Variants in LRIG3 observed in about 807,000 individuals in gnomAD.
The protein encoded by LRIG3 is leucine-rich repeats and immunoglobulin-like domains protein 3.
Under a neutral mutation model 114.5 loss-of-function variants are expected in LRIG3, and 76 were observed. The ratio of observed to expected loss-of-function variants is 0.66; its 90% CI spans 0.55 to 0.80. LRIG3 has a LOEUF of 0.80. LRIG3 is among the 30% of genes least tolerant of loss of function. LRIG3 has a pLI of 0.00. For synonymous variants in LRIG3, 512 were observed against 519.8 expected (o/e 0.98, Z 0.20); for missense variants, 1,239 against 1,382.8 (o/e 0.90, Z 1.65).
rs1872633486 is a variant in LRIG3, at chr12:58,920,420, C to CAGG, written c.-188_-186dup. On this transcript the variant is annotated 5_prime_UTR_variant, in exon 1 of 19. Coordinates refer to ENST00000320743, the MANE Select transcript of LRIG3 (RefSeq NM_153377.5). ...GAAGCCCTTTCATGCCCCCAAACAG[C>CAGG]AGGAGGGAAACCGAAAAGAACTGCC... 1 of 426,822 alleles carries CAGG rather than the reference C, an allele frequency of 2.3e-6. No individual in the cohort carries two copies. The highest frequency in any genetic ancestry group is 4.5e-5 in the Admixed American group (1 of 22,288). The allele number at this position is 426,822 out of a possible 1,614,324, so 26.4% of individuals were successfully genotyped here.
rs771286510 is a variant in LRIG3 at position 58,874,394 on chromosome 12, G to A, written c.2839+36C>T. On this transcript the variant is annotated intron_variant, in intron 17 of 18. Transcript: ENST00000320743. ...TTAGCACATCTAGAAGTCTCTCTAA[G>A]AAACAGAACTGTACTCAAGCAAGAA... is the stretch of plus-strand genomic sequence containing the variant. The A allele has an allele frequency of 6.2e-6, 10 of 1,611,456 alleles. No individual in the cohort carries two copies. The African/African-American group carries it at 1.1e-4, about 17-fold the overall frequency.
chr12:58,911,550 C>T (rs895148520), intron 3 of LRIG3, among the ~76,000 whole-genome samples: 2 of 152,118 alleles, frequency 1.3e-5, no homozygotes, highest in African/African-American at 2.4e-5. Flanking sequence ...AAAACAACCA[C>T]AAAAAACTCT....
chr12:58,890,262 C>T (rs1021293997), intron 4 of LRIG3, 123 bp from the exon 5 acceptor site: 49 of 1,012,420 alleles, frequency 4.8e-5, no homozygotes, highest in Non-Finnish European at 6.1e-5. Flanking sequence ...AAAATAATTA[C>T]TTTTTAGGTC....
chr12:58,911,304 T>C (rs1166540209), intron 3 of LRIG3, among the ~76,000 whole-genome samples: 1 of 152,122 alleles, frequency 6.6e-6, no homozygotes, highest in South Asian at 2.1e-4. Flanking sequence ...CTGGCTCCTA[T>C]AGCTAAGAGA....
chr12:58,913,889 T>A, intron 3 of LRIG3, 93 bp downstream of exon 3: 1 of 1,131,626 alleles, frequency 8.8e-7, no homozygotes, highest in Admixed American at 2.4e-5. Context: ...ATATTCCATT[T>A]TTTTCTTCTA....
intron 14 of LRIG3, 111 bp from the exon 15 acceptor site, chr12:58,877,963 A>G (rs1870985990): frequency 1.9e-6 from 2 of 1,047,422 alleles, no homozygotes; most frequent in Admixed American, 5.5e-5. Flanking sequence ...ATTCTCCCAC[A>G]ACTTACTGGA....
Position 58,920,020 on chromosome 12 carries a change from G to C in LRIG3, c.216C>G (p.Leu72=). The C allele has an allele frequency of 6.4e-7, 1 of 1,552,540 alleles. No homozygotes were observed. The highest frequency in any genetic ancestry group is 8.7e-7 in the Non-Finnish European group (1 of 1,148,346). The change falls in exon 1 of 19, where the codon CTC becomes CTG. Residue 72 remains leucine (L), a synonymous_variant. Transcript: ENST00000320743. The part of the protein sequence containing the change: ...RKRLARLPEP[L]PSWVARLDLS... ...CTTACAGCCGAGCGACCCAGGACGG[G>C]AGTGGCTCGGGAAGACGCGCTAGCC...
rs776030235 is a variant in LRIG3, at chr12:58,888,864, T to G, written c.758A>C (p.Lys253Thr). Reference sequence around the variant, plus strand: ...CCCCCAAAAAGCTCCATCCATAAGTTTCGTTACTCCATTTCTTTGCATTTT... The same window carrying G: ...CCCCCAAAAAGCTCCATCCATAAGTGTCGTTACTCCATTTCTTTGCATTTT... ...SLKMQRNGVTKLMDGAFWGLS... is the reference protein window; with the variant it reads ...SLKMQRNGVTTLMDGAFWGLS... Residue 253 changes from lysine (K) to threonine (T), a missense_variant, in exon 6 of 19, where the codon AAA becomes ACA. Physicochemically the swap from Lys to Thr is moderately conservative, Grantham distance 78 (BLOSUM62 -1). Coordinates refer to ENST00000320743, the MANE Select transcript of LRIG3 (RefSeq NM_153377.5). 17 of 1,613,712 alleles carry G rather than the reference T, an allele frequency of 1.1e-5. No individual in the cohort carries two copies. In the South Asian group the frequency reaches 1.9e-4, roughly 18 times the overall value.
At chr12:58,878,760 A>G in intron 14 of LRIG3, 64 bp downstream of exon 14, 2 of 1,530,684 alleles carry the variant, frequency 1.3e-6, no homozygotes, top group Middle Eastern at 1.7e-4. Flanking sequence ...ATACTTAGGG[A>G]CCTTGGATGA....
intron 3 of LRIG3, among the ~76,000 whole-genome samples, chr12:58,901,057 A>C (rs1438099183): frequency 6.6e-6 from 1 of 152,222 alleles, no homozygotes; most frequent in South Asian, 2.1e-4. Context: ...TATTTGATGA[A>C]TCGTGATCCA....
chr12:58,906,621 T>C (rs547188912), intron 3 of LRIG3, among the ~76,000 whole-genome samples: 1 of 152,298 alleles, frequency 6.6e-6, no homozygotes, highest in Admixed American at 6.5e-5. Flanking sequence ...ATCTGATTTG[T>C]GATCACTATG....
intron 1 of LRIG3, 41 bp from the exon 2 acceptor site, chr12:58,914,377 A>T (rs748555351): frequency 1.4e-6 from 2 of 1,472,762 alleles, no homozygotes; most frequent in Admixed American, 1.7e-5. Flanking sequence ...CATTTCTAAA[A>T]ATCACTAATA....
chr12:58,876,256 A>G lies in LRIG3; in HGVS notation c.2695+189T>C, dbSNP rs1023969578. Among the ~76,000 whole-genome samples, 11 of 152,200 alleles carry G rather than the reference A, an allele frequency of 7.2e-5. No individual in the cohort carries two copies. The East Asian group carries it at 2.1e-3, about 29-fold the overall frequency. On this transcript the variant is annotated intron_variant, in intron 16 of 18. Coordinates refer to ENST00000320743, the MANE Select transcript of LRIG3 (RefSeq NM_153377.5). ...CTAGTCTTTTTTTATTGTTAGAAACAAAGATTTATTTCTTTCCTAGTATTT... is the reference window on the plus strand; with the variant it reads ...CTAGTCTTTTTTTATTGTTAGAAACGAAGATTTATTTCTTTCCTAGTATTT...
At chr12:58,883,363 G>C (rs1267555450) in intron 11 of LRIG3, among the ~76,000 whole-genome samples, 157 bp downstream of exon 11, 4 of 152,116 alleles carry the variant, frequency 2.6e-5, no homozygotes, top group African/African-American at 9.7e-5. Flanking sequence ...TCAACAAAAA[G>C]AACAAATAAA....
intron 1 of LRIG3, among the ~76,000 whole-genome samples, chr12:58,917,173 G>A (rs1016078810): frequency 1.3e-5 from 2 of 152,056 alleles, no homozygotes; most frequent in Non-Finnish European, 2.9e-5. Flanking sequence ...TTTATAACAG[G>A]TCAACACTAA....
chr12:58,874,009 G>A (rs923147535), intron 18 of LRIG3, 46 bp downstream of exon 18: 36 of 1,601,132 alleles, frequency 2.2e-5, no homozygotes, highest in Non-Finnish European at 2.9e-5. Flanking sequence ...ACACAACTTG[G>A]AGTATGGATC....
At chr12:58,918,594 G>A (rs946771694) in intron 1 of LRIG3, among the ~76,000 whole-genome samples, 1 of 152,076 alleles carries the variant, frequency 6.6e-6, no homozygotes, top group Non-Finnish European at 1.5e-5. Flanking sequence ...TTATTCCTAA[G>A]TGTTCACCTC....
Position 58,872,436 on chromosome 12 carries a change from G to C in LRIG3, c.*136C>G. On this transcript the variant is annotated 3_prime_UTR_variant, in exon 19 of 19. Coordinates refer to ENST00000320743, the MANE Select transcript of LRIG3 (RefSeq NM_153377.5). ...AATTTTCATAACTTTTTGTAATTTT[G>C]GTTCATCTGTATAAATAAAGCATTT... is the stretch of plus-strand genomic sequence containing the variant. The C allele has an allele frequency of 1.1e-6, 1 of 923,572 alleles. No individual in the cohort carries two copies. Among genetic ancestry groups the C allele is most frequent in the Non-Finnish European group, 1.5e-6 (1 of 686,340 alleles). 57.2% of individuals were successfully genotyped at this position (923,572 alleles called of 1,614,324 possible).
chr12:58,908,184 T>C (rs1339910386), intron 3 of LRIG3, among the ~76,000 whole-genome samples: 1 of 152,220 alleles, frequency 6.6e-6, no homozygotes, highest in Non-Finnish European at 1.5e-5. Flanking sequence ...AGCCAGCAGA[T>C]GGCGGAAAAC....
Sources: gnomAD v4.1 joint callset for allele counts (sites outside exome capture counted in the v4.1 genomes callset) on GRCh38, gnomAD v4.1.1 for gene constraint, MANE v1.5 for transcripts, NCBI Gene and HGNC (gene_info 2026-07-23, HGNC 2026-07-21) for gene names.